Variants in TTC28 observed in about 807,000 individuals in gnomAD.
TTC28 encodes tetratricopeptide repeat domain 28, also known as tetratricopeptide repeat protein 28.
A neutral mutation model predicts 198.0 loss-of-function variants in TTC28; 61 were observed. The observed-to-expected ratio is 0.31, with a 90% CI of 0.25 to 0.38. TTC28 has a LOEUF of 0.38. TTC28 is among the 10% of genes least tolerant of loss of function. TTC28 has a pLI of 1.00. For synonymous variants in TTC28, 1,171 were observed against 1,297.8 expected (o/e 0.90, Z 2.10); for missense variants, 2,678 against 3,164.0 (o/e 0.85, Z 3.69).
chr22:28,001,350 C>T, intron 15 of TTC28, 24 bp downstream of exon 15: 1 of 1,531,078 alleles, frequency 6.5e-7, no homozygotes, highest in Non-Finnish European at 8.8e-7. Flanking sequence ...GCCCCCGGCC[C>T]CCCACCATGT....
At chr22:28,472,791 C>T (rs995581792) in intron 2 of TTC28, among the ~76,000 whole-genome samples, 3 of 151,976 alleles carry the variant, frequency 2.0e-5, no homozygotes, top group African/African-American at 4.8e-5. Context: ...ATAGAAAAGG[C>T]CCACCAAGTG....
At chr22:28,200,523 G>A (rs778127886) in intron 5 of TTC28, among the ~76,000 whole-genome samples, 2 of 152,070 alleles carry the variant, frequency 1.3e-5, no homozygotes, top group Non-Finnish European at 2.9e-5. Flanking sequence ...GTTGGTACCT[G>A]GCTCCCCTCC....
chr22:27,985,742 C>CAGCATTGACAGCAGTATTT (rs1353368466), intron 21 of TTC28: 2 of 165,754 alleles, frequency 1.2e-5, no homozygotes, highest in African/African-American at 4.7e-5. Flanking sequence ...CCACTCCATT[C>CAGCATTGACAGCAGTATTT]AGCATTGACA....
intron 2 of TTC28, among the ~76,000 whole-genome samples, chr22:28,388,327 G>C (rs2046651625): frequency 6.6e-6 from 1 of 152,132 alleles, no homozygotes; most frequent in Admixed American, 6.6e-5. Context: ...TGGCAATGCG[G>C]GCTCTTTTTT....
intron 2 of TTC28, among the ~76,000 whole-genome samples, chr22:28,536,785 G>C (rs917117979): frequency 6.6e-6 from 1 of 151,976 alleles, no homozygotes; most frequent in African/African-American, 2.4e-5. Context: ...AACACCAATA[G>C]AATTTTTTAA....
intron 2 of TTC28, among the ~76,000 whole-genome samples, chr22:28,517,906 T>C (rs2048822008): frequency 6.6e-6 from 1 of 152,288 alleles, no homozygotes; most frequent in Admixed American, 6.5e-5. Flanking sequence ...GTCCGAAGTT[T>C]TAATTTTTTT....
intron 1 of TTC28, among the ~76,000 whole-genome samples, chr22:28,674,265 G>GTTTTTTTTTT (rs943369337): frequency 1.9e-5 from 2 of 107,662 alleles, no homozygotes; most frequent in Non-Finnish European, 3.9e-5. Flanking sequence ...TTTCTTTGTG[G>GTTTTTTTTTT]TTTTTTTTTT....
chr22:28,146,688 G>A (rs543439801), intron 6 of TTC28, among the ~76,000 whole-genome samples: 32 of 152,254 alleles, frequency 2.1e-4, no homozygotes, highest in Admixed American at 3.9e-4. Context: ...TGTCTTATTC[G>A]GGATTAGATA....
chr22:28,483,861 A>G (rs1050193494), intron 2 of TTC28, among the ~76,000 whole-genome samples: 7 of 152,200 alleles, frequency 4.6e-5, no homozygotes, highest in African/African-American at 1.7e-4. Flanking sequence ...CTGCTTTACC[A>G]CCTTGGGCAA....
chr22:28,611,221 T>C (rs893658433), intron 2 of TTC28, among the ~76,000 whole-genome samples: 3 of 152,108 alleles, frequency 2.0e-5, no homozygotes, highest in African/African-American at 7.2e-5. Context: ...AGAACACCAC[T>C]AAGACACTGC....
At chr22:28,026,618 C>T (rs547946453) in intron 13 of TTC28, among the ~76,000 whole-genome samples, 9 of 152,294 alleles carry the variant, frequency 5.9e-5, no homozygotes, top group African/African-American at 1.7e-4. Context: ...ATTCCTTATC[C>T]AGTCTTCTGT....
At chr22:28,023,396 C>T (rs1478465676) in intron 13 of TTC28, among the ~76,000 whole-genome samples, 1 of 152,226 alleles carries the variant, frequency 6.6e-6, no homozygotes, top group Non-Finnish European at 1.5e-5. Context: ...CCTGCTGACC[C>T]CATTCAGAGA....
At chr22:28,283,802 G>C (rs5762548) in intron 5 of TTC28, among the ~76,000 whole-genome samples, 3 of 152,110 alleles carry the variant, frequency 2.0e-5, no homozygotes, top group African/African-American at 7.2e-5. Context: ...TCTCACCTTA[G>C]CCTCCCAAGT....
chr22:28,226,075 C>T (rs1928320891), intron 5 of TTC28, among the ~76,000 whole-genome samples: 1 of 152,168 alleles, frequency 6.6e-6, no homozygotes, highest in Non-Finnish European at 1.5e-5. Flanking sequence ...CAGTTTTTGG[C>T]TATTATAGAT....
At chr22:28,289,591 A>AG (rs1416250897) in intron 5 of TTC28, among the ~76,000 whole-genome samples, 2 of 152,192 alleles carry the variant, frequency 1.3e-5, no homozygotes, top group East Asian at 3.9e-4. Context: ...CCAGCCACTC[A>AG]GGGGGCTGAG....
chr22:28,063,259 T>C (rs906160459), intron 12 of TTC28, among the ~76,000 whole-genome samples: 12 of 152,220 alleles, frequency 7.9e-5, no homozygotes, highest in Admixed American at 7.9e-4. Context: ...CATTCCAAGA[T>C]ATCCATGTCC....
At chr22:28,673,323 G>C (rs965200495) in intron 1 of TTC28, among the ~76,000 whole-genome samples, 1 of 152,154 alleles carries the variant, frequency 6.6e-6, no homozygotes. Context: ...GCAGTGAGCA[G>C]AGATCGCGCC....
chr22:28,520,361 G>T (rs181681450), intron 2 of TTC28, among the ~76,000 whole-genome samples: 7 of 152,308 alleles, frequency 4.6e-5, no homozygotes, highest in Non-Finnish European at 1.0e-4. Context: ...CCCTCTTACA[G>T]TGAATAACTG....
chr22:28,165,122 T>C (rs186270983), intron 5 of TTC28, among the ~76,000 whole-genome samples: 2 of 152,090 alleles, frequency 1.3e-5, no homozygotes, highest in East Asian at 1.9e-4. Flanking sequence ...AAGAGAAGTT[T>C]AGAGAAAAAA....
Sources: allele counts gnomAD v4.1 joint callset (sites outside exome capture counted in the v4.1 genomes callset), GRCh38; gene constraint gnomAD v4.1.1; transcripts MANE v1.5; gene names NCBI Gene and HGNC (gene_info 2026-07-23, HGNC 2026-07-21).